CEP85L: variants seen among roughly 807,000 people sequenced by gnomAD.
CEP85L encodes the protein centrosomal protein 85L, also known as centrosomal protein of 85 kDa-like.
In CEP85L, 60 loss-of-function variants were observed where a neutral mutation model predicts 100.3. The ratio of observed to expected loss-of-function variants is 0.60; its 90% CI spans 0.49 to 0.74. The LOEUF (loss-of-function observed/expected upper bound fraction) is 0.74, where lower values mean the gene tolerates loss of function less well. CEP85L is among the 30% of genes least tolerant of loss of function. CEP85L has a pLI of 0.00. For synonymous variants in CEP85L, 319 were observed against 322.7 expected (o/e 0.99, Z 0.12); for missense variants, 973 against 936.2 (o/e 1.04, Z -0.51).
intron 2 of CEP85L, among the ~76,000 whole-genome samples, chr6:118,612,249 A>T (rs1772676254): frequency 6.6e-6 from 1 of 151,082 alleles, no homozygotes; most frequent in African/African-American, 2.4e-5. Context: ...AGAGGAAGTC[A>T]TAAGGCAAAT....
In CEP85L at chr6:118,651,297, G is replaced by C; in HGVS notation, c.-28C>G. ...CGGGCGAGAGGGCCGGGTGGGCCAG[G>C]GACGCCCGACTCCTCACGTCCGTCC... On this transcript the variant is annotated 5_prime_UTR_variant, in exon 1 of 13. Transcript: ENST00000368491. 6.8e-7 allele frequency: 1 copy of C among 1,465,702 alleles called. No homozygotes were observed. Among genetic ancestry groups the C allele is most frequent in the Middle Eastern group, 1.9e-4 (1 of 5,360 alleles). The allele number at this position is 1,465,702 out of a possible 1,614,324, so 90.8% of individuals were successfully genotyped here.
At chr6:118,495,404 C>T (rs761450708) in intron 5 of CEP85L, among the ~76,000 whole-genome samples, 2 of 151,986 alleles carry the variant, frequency 1.3e-5, no homozygotes, top group Non-Finnish European at 2.9e-5. Flanking sequence ...GGCGATTACC[C>T]CCATGCTACC....
intron 7 of CEP85L, 96 bp from the exon 8 acceptor site, chr6:118,482,029 A>T: frequency 2.3e-6 from 1 of 431,200 alleles, no homozygotes; most frequent in Non-Finnish European, 3.5e-6. Context: ...ACAGACTTGT[A>T]GCTAAAAAAA....
In CEP85L at chr6:118,505,409, C is replaced by CAAAAAAAAA. The variant is rs56893664; in HGVS notation, c.1257+5880_1257+5888dup. Among the ~76,000 whole-genome samples, 47 of 71,812 alleles carry CAAAAAAAAA rather than the reference C, an allele frequency of 6.5e-4. 2 individuals are homozygous for CAAAAAAAAA. Among genetic ancestry groups the CAAAAAAAAA allele is most frequent in the Non-Finnish European group, 9.2e-4 (33 of 35,888 alleles). The allele number at this position is 71,812 out of a possible 152,430, so 47.1% of individuals were successfully genotyped here. A position where few individuals can be genotyped will look rare whatever the true frequency, so the allele number is the denominator to read the frequency against. ...TGAGCCAAGATCACGTCACTGTACTCAAAAAAAAAAAAAAAAAAAAAAAAA... is the reference window on the plus strand; with the variant it reads ...TGAGCCAAGATCACGTCACTGTACTCAAAAAAAAAAAAAAAAAAAAAAAAAAAAAAAAAA... On this transcript the variant is annotated intron_variant, in intron 5 of 12. Transcript: ENST00000368491.
chr6:118,572,083 C>T (rs1018881173), intron 2 of CEP85L, among the ~76,000 whole-genome samples: 1 of 151,844 alleles, frequency 6.6e-6, no homozygotes, highest in African/African-American at 2.4e-5. Context: ...CTCGAACTCC[C>T]AACCTCATGT....
At chr6:118,698,118 AG>A (rs1777275646) in intron 1 of CEP85L, among the ~76,000 whole-genome samples, 1 of 152,192 alleles carries the variant, frequency 6.6e-6, no homozygotes, top group Non-Finnish European at 1.5e-5. Context: ...AGATCACTCA[AG>A]AAAAGGAGCT....
chr6:118,579,372 A>G (rs1012010401), intron 2 of CEP85L, among the ~76,000 whole-genome samples: 67 of 151,960 alleles, frequency 4.4e-4, no homozygotes, highest in Non-Finnish European at 9.1e-4. Context: ...TCAGAAAAAA[A>G]AAAAAACAGT....
At chr6:118,591,156 G>A (rs1457217084) in intron 2 of CEP85L, among the ~76,000 whole-genome samples, 1 of 152,188 alleles carries the variant, frequency 6.6e-6, no homozygotes, top group East Asian at 1.9e-4. Flanking sequence ...ACAAAAATAT[G>A]CCTCCAACAA....
At position 118,461,207 on chromosome 6, in the gene CEP85L, C is replaced by T. The variant is rs917607165; in HGVS notation, c.*4198G>A. On this transcript the variant is annotated 3_prime_UTR_variant, in exon 13 of 13. Transcript: ENST00000368491. The stretch of plus-strand genomic sequence containing the variant: ...AGCACCTTACTACTTCTTGTCATCA[C>T]AACAATGCGATGTTAAGTTTTATGT... 6.6e-6 allele frequency: 1 copy of T among 152,004 alleles called. No homozygotes were observed. The highest frequency in any genetic ancestry group is 1.5e-5 in the Non-Finnish European group (1 of 67,972). The allele number at this position is 152,004 out of a possible 1,614,324, so 9.4% of individuals were successfully genotyped here.
intron 1 of CEP85L, among the ~76,000 whole-genome samples, chr6:118,677,783 C>A (rs183113486): frequency 2.0e-5 from 3 of 152,304 alleles, no homozygotes; most frequent in East Asian, 1.9e-4. Context: ...TTTTACCATG[C>A]CCACCACCTA....
At chr6:118,544,106 G>A (rs1344797989) in intron 3 of CEP85L, among the ~76,000 whole-genome samples, 1 of 151,468 alleles carries the variant, frequency 6.6e-6, no homozygotes, top group Non-Finnish European at 1.5e-5. Context: ...AGCTCAAAGG[G>A]CTGAGATATC....
chr6:118,622,663 G>A (rs1466347978), intron 2 of CEP85L, among the ~76,000 whole-genome samples: 1 of 152,232 alleles, frequency 6.6e-6, no homozygotes, highest in African/African-American at 2.4e-5. Flanking sequence ...TGCTTATCTA[G>A]TTCTACATGC....
At chr6:118,592,329 CTTTT>C (rs34976343) in intron 2 of CEP85L, among the ~76,000 whole-genome samples, 133 of 121,662 alleles carry the variant, frequency 1.1e-3, no homozygotes, top group African/African-American at 3.7e-3. Context: ...TCCTCTAGGT[CTTTT>C]TTTTTTTTTT....
chr6:118,630,167 T>C (rs1209911026), intron 2 of CEP85L, among the ~76,000 whole-genome samples: 2 of 152,218 alleles, frequency 1.3e-5, no homozygotes, highest in South Asian at 2.1e-4. Flanking sequence ...ATTTTACATA[T>C]GAGTAAACCT....
intron 1 of CEP85L, among the ~76,000 whole-genome samples, chr6:118,641,481 C>T (rs901500101): frequency 6.6e-6 from 1 of 152,138 alleles, no homozygotes; most frequent in Non-Finnish European, 1.5e-5. Flanking sequence ...CAGGTTAACA[C>T]TAGTGCCCTT....
chr6:118,547,886 G>A (rs1476974226), intron 3 of CEP85L, among the ~76,000 whole-genome samples: 2 of 152,018 alleles, frequency 1.3e-5, no homozygotes, highest in African/African-American at 4.8e-5. Flanking sequence ...ATGAAGACAC[G>A]TATTAAAGCA....
intron 2 of CEP85L, among the ~76,000 whole-genome samples, chr6:118,590,748 C>A (rs1463959819): frequency 6.6e-6 from 1 of 152,136 alleles, no homozygotes; most frequent in African/African-American, 2.4e-5. Context: ...CCCCAGAAAA[C>A]AAGTATTGTC....
intron 1 of CEP85L, among the ~76,000 whole-genome samples, chr6:118,674,123 C>A (rs770147774): frequency 6.6e-6 from 1 of 152,184 alleles, no homozygotes; most frequent in Admixed American, 6.5e-5. Context: ...TTAGATATGA[C>A]ACCAAAAACA....
intron 10 of CEP85L, among the ~76,000 whole-genome samples, chr6:118,475,996 G>A (rs1337166883): frequency 6.6e-6 from 1 of 151,894 alleles, no homozygotes; most frequent in Non-Finnish European, 1.5e-5. Context: ...TTCACAATAG[G>A]GCCCAGAAAT....
Sources: allele counts gnomAD v4.1 joint callset (sites outside exome capture counted in the v4.1 genomes callset), GRCh38; gene constraint gnomAD v4.1.1; transcripts MANE v1.5; gene names NCBI Gene and HGNC (gene_info 2026-07-23, HGNC 2026-07-21).